The following PHKA1 variants were observed in gnomAD, a reference collection of about 807,000 sequenced individuals.
The protein encoded by PHKA1 is phosphorylase kinase regulatory subunit alpha 1, also known as phosphorylase b kinase regulatory subunit alpha, skeletal muscle isoform.
Under a neutral mutation model 110.2 loss-of-function variants are expected in PHKA1, and 60 were observed. The ratio of observed to expected loss-of-function variants is 0.54; its 90% CI spans 0.44 to 0.68. PHKA1 has a LOEUF of 0.68. Among genes scored for constraint, PHKA1 ranks in the 30% least tolerant of loss-of-function variants. The pLI, the probability that PHKA1 is intolerant of heterozygous loss-of-function variation, is 0.00. For missense variants in PHKA1, 801 were observed against 942.5 expected, an observed-to-expected ratio of 0.85 and a Z score of 1.97; for synonymous variants, 316 against 333.6, an observed-to-expected ratio of 0.95 and a Z score of 0.58.
chrX:72,683,684 T>C (rs1306185126), intron 5 of PHKA1, among the ~76,000 whole-genome samples: 1 of 112,291 alleles, frequency 8.9e-6, no homozygotes, highest in African/African-American at 3.2e-5. Context: ...TTTCTGTCAC[T>C]ATAGATTTCT....
At chrX:72,667,574 T>C in intron 6 of PHKA1, 101 bp from the exon 7 acceptor site, 1 of 595,117 alleles carries the variant, frequency 1.7e-6, no homozygotes, top group South Asian at 2.4e-5. Context: ...GATGTCACTT[T>C]TGAATATGTC....
intron 21 of PHKA1, among the ~76,000 whole-genome samples, chrX:72,613,326 T>A (rs1156982926): frequency 1.8e-5 from 2 of 109,032 alleles, no homozygotes; most frequent in African/African-American, 6.7e-5. Flanking sequence ...GGTAAAATTA[T>A]CCCCATATAT....
chrX:72,612,552 C>A (rs374120982), intron 21 of PHKA1, among the ~76,000 whole-genome samples: 2 of 111,764 alleles, frequency 1.8e-5, no homozygotes, highest in Admixed American at 1.9e-4. Context: ...AGGGTACTTG[C>A]CATAGCATTT....
intron 16 of PHKA1, among the ~76,000 whole-genome samples, chrX:72,633,718 A>G (rs1452762881): frequency 1.8e-5 from 2 of 111,630 alleles, no homozygotes; most frequent in African/African-American, 3.3e-5. Flanking sequence ...ACTGTCACCA[A>G]TAGTCCCCAA....
At chrX:72,600,502 A>G (rs782749986) in intron 28 of PHKA1, among the ~76,000 whole-genome samples, 39 of 112,251 alleles carry the variant, frequency 3.5e-4, no homozygotes, top group Non-Finnish European at 7.0e-4. Context: ...TTCACGTTTC[A>G]AATAGGAAAA....
rs782241870 is a variant in PHKA1, at chrX:72,620,901, G to C, written c.1961C>G (p.Ala654Gly). ...ACGAGCAACTTCATCACCACAGCGA[G>C]CTGCAAGGTTAGTGGGGGGAGGGGG... ...WMNDYDSTSHARCGDEVARYL... is the reference protein window; with the variant it reads ...WMNDYDSTSHGRCGDEVARYL... Residue 654 changes from alanine (A) to glycine (G), a missense_variant and splice_region_variant, in exon 19 of 32, where the codon GCT becomes GGT. By Grantham distance (60) the Ala-to-Gly change is moderately conservative. Around this residue, in one of 2 missense-constraint regions of PHKA1, gnomAD observed 502 missense variants for 519.2 expected, o/e 0.97. Transcript: ENST00000373542. 4.1e-6 allele frequency: 5 copies of C among 1,208,061 alleles called. No homozygotes were observed. In the Admixed American group the frequency reaches 8.8e-5, roughly 21 times the overall value.
chrX:72,587,402 C>T (rs2052448989), intron 29 of PHKA1, among the ~76,000 whole-genome samples: 1 of 111,559 alleles, frequency 9.0e-6, no homozygotes, highest in African/African-American at 3.3e-5. Context: ...CTGTCACCAC[C>T]AGGCCTGCCT....
At chrX:72,664,710 A>G (rs192398897) in intron 8 of PHKA1, among the ~76,000 whole-genome samples, 1 of 111,973 alleles carries the variant, frequency 8.9e-6, no homozygotes, top group Admixed American at 9.5e-5. Context: ...AATTGAAATC[A>G]TTATCAATTA....
chrX:72,695,429 G>A (rs2054095454), intron 4 of PHKA1, among the ~76,000 whole-genome samples: 1 of 111,227 alleles, frequency 9.0e-6, no homozygotes, highest in African/African-American at 3.3e-5. Flanking sequence ...ATAGACAGAT[G>A]CCTTGTTTAT....
At chrX:72,695,931 C>T in intron 3 of PHKA1, 55 bp from the exon 4 acceptor site, 1 of 962,154 alleles carries the variant, frequency 1.0e-6, no homozygotes, top group Non-Finnish European at 1.5e-6. Flanking sequence ...AACCCATATG[C>T]CACACTTCTG....
intron 13 of PHKA1, among the ~76,000 whole-genome samples, chrX:72,646,149 G>A (rs1446149426): frequency 8.9e-6 from 1 of 111,858 alleles, no homozygotes; most frequent in Non-Finnish European, 1.9e-5. Flanking sequence ...ATAGACAGGA[G>A]TTAGAGCATC....
In PHKA1 at chrX:72,705,209, T is replaced by C; in HGVS notation, c.274A>G (p.Met92Val). Residue 92 changes from methionine (M) to valine (V), a missense_variant, in exon 3 of 32, where the codon ATG becomes GTG. This residue lies in a region of PHKA1 where 299 missense variants were observed against 423.3 expected (regional missense o/e 0.71). Transcript: ENST00000373542. ...VKLMRGLLHC[M>V]IRQVDKVESF... ...TATCAATACCATACCTGTCTGATCA[T>C]GCAGTGCAGTAGTCCTCTCATCAGC... The C allele has an allele frequency of 8.4e-7, 1 of 1,191,765 alleles. No homozygotes were observed. The highest frequency in any genetic ancestry group is 1.1e-6 in the Non-Finnish European group (1 of 879,418).
chrX:72,652,949 A>T (rs2147760869), intron 11 of PHKA1, among the ~76,000 whole-genome samples: 1 of 111,029 alleles, frequency 9.0e-6, no homozygotes, highest in Admixed American at 9.5e-5. Flanking sequence ...AGCTTATTCT[A>T]CTCATTCTCA....
At chrX:72,650,078 C>G (rs964051837) in intron 13 of PHKA1, among the ~76,000 whole-genome samples, 1 of 109,377 alleles carries the variant, frequency 9.1e-6, no homozygotes, top group Admixed American at 9.8e-5. Flanking sequence ...AAGGAGTGGT[C>G]AGAGAAAAAG....
chrX:72,674,859 A>T (rs782616855), intron 6 of PHKA1, among the ~76,000 whole-genome samples: 1 of 111,294 alleles, frequency 9.0e-6, no homozygotes, highest in South Asian at 3.7e-4. Flanking sequence ...AATGACATAG[A>T]AGGATGTTTG....
chrX:72,627,042 A>G lies in PHKA1; in HGVS notation c.1722T>C (p.Asp574=), dbSNP rs2053085466. 8.3e-7 allele frequency: 1 copy of G among 1,199,442 alleles called. No individual in the cohort carries two copies. Among genetic ancestry groups the G allele is most frequent in the Non-Finnish European group, 1.1e-6 (1 of 884,287 alleles). ...FPISHSMLDE[D]GTSLNSSILA... is the part of the protein sequence containing the mutation. Reference sequence around the variant, plus strand: ...GGATACTTGAATTCAAGCTTGTTCCATCTTCATCTTGAAATGAACAGAATT... The same window carrying G: ...GGATACTTGAATTCAAGCTTGTTCCGTCTTCATCTTGAAATGAACAGAATT... Residue 574 remains aspartate (D), a synonymous_variant, in exon 17 of 32, where the codon GAT becomes GAC. Transcript: ENST00000373542.
At chrX:72,630,296 GGAGAGAGA>G (rs372667448) in intron 16 of PHKA1, among the ~76,000 whole-genome samples, 6 of 99,323 alleles carry the variant, frequency 6.0e-5, no homozygotes, top group South Asian at 4.4e-4. Context: ...CGGGGGTGGG[GGAGAGAGA>G]GAGAGAGAGA....
intron 21 of PHKA1, among the ~76,000 whole-genome samples, chrX:72,611,422 C>T (rs1400905578): frequency 9.0e-6 from 1 of 111,583 alleles, no homozygotes; most frequent in African/African-American, 3.3e-5. Context: ...TTCTTTTACC[C>T]TATTCATGGG....
In PHKA1 at chrX:72,662,128, G is replaced by A. The variant is rs890363708; in HGVS notation, c.864+4023C>T. Reference sequence around the variant, plus strand: ...GAATCCTACAGTCCTCCCAAGTGCTGAGCCCAGTTTGGGGAGCTGCCTAGA... The same window carrying A: ...GAATCCTACAGTCCTCCCAAGTGCTAAGCCCAGTTTGGGGAGCTGCCTAGA... On this transcript the variant is annotated intron_variant, in intron 8 of 31. Transcript: ENST00000373542. 2.7e-5 allele frequency among the ~76,000 whole-genome samples: 3 copies of A among 112,213 alleles called. No homozygotes were observed. The Admixed American group carries it at 2.8e-4, about 11-fold the overall frequency.
Sources: gnomAD v4.1 joint callset for allele counts (sites outside exome capture counted in the v4.1 genomes callset) on GRCh38, gnomAD v4.1.1 for gene constraint, gnomAD v4.1.1 regional missense constraint, MANE v1.5 for transcripts, NCBI Gene and HGNC (gene_info 2026-07-23, HGNC 2026-07-21) for gene names.